Variants in TTC28 observed in about 807,000 individuals in gnomAD.
The protein encoded by TTC28 is tetratricopeptide repeat domain 28.
A neutral mutation model predicts 198.0 loss-of-function variants in TTC28; 61 were observed. The ratio of observed to expected loss-of-function variants is 0.31; its 90% CI spans 0.25 to 0.38. TTC28 has a LOEUF of 0.38. TTC28 is among the 10% of genes least tolerant of loss of function. TTC28 has a pLI of 1.00. For synonymous variants in TTC28, 1,171 were observed against 1,297.8 expected (o/e 0.90, Z 2.10); for missense variants, 2,678 against 3,164.0 (o/e 0.85, Z 3.69).
intron 4 of TTC28, 125 bp from the exon 5 acceptor site, chr22:28,296,453 AT>A: frequency 1.1e-6 from 1 of 888,156 alleles, no homozygotes; most frequent in Non-Finnish European, 1.6e-6. Flanking sequence ...CTTATCTTCT[AT>A]TAGAAAAGTA....
intron 2 of TTC28, among the ~76,000 whole-genome samples, chr22:28,363,536 T>C (rs1238874387): frequency 3.3e-5 from 5 of 152,108 alleles, no homozygotes; most frequent in African/African-American, 1.2e-4. Context: ...CACCGCCTAG[T>C]GGAGCTGTGA....
At chr22:27,999,512 T>C (rs1262309808) in intron 15 of TTC28, 14 of 543,592 alleles carry the variant, frequency 2.6e-5, no homozygotes, top group South Asian at 2.3e-4. Flanking sequence ...CCTGAGAGGA[T>C]TGGGGGAGGA....
At chr22:28,001,308 C>G in intron 15 of TTC28, 66 bp downstream of exon 15, 1 of 1,504,188 alleles carries the variant, frequency 6.6e-7, no homozygotes, top group Non-Finnish European at 9.0e-7. Flanking sequence ...CCAGTCCGAC[C>G]AGATAGACGG....
At chr22:28,106,415 T>C (rs1569142043) in intron 7 of TTC28, among the ~76,000 whole-genome samples, 1 of 152,172 alleles carries the variant, frequency 6.6e-6, no homozygotes, top group Non-Finnish European at 1.5e-5. Context: ...ACCAAACCAG[T>C]TGTGTGGGGC....
At chr22:28,673,388 C>A (rs11912717) in intron 1 of TTC28, among the ~76,000 whole-genome samples, 1 of 151,886 alleles carries the variant, frequency 6.6e-6, no homozygotes, top group African/African-American at 2.4e-5. Context: ...AAGTTAACTG[C>A]GAATGTTAAA....
chr22:28,450,998 A>C (rs2047770505), intron 2 of TTC28, among the ~76,000 whole-genome samples: 1 of 152,230 alleles, frequency 6.6e-6, no homozygotes, highest in African/African-American at 2.4e-5. Flanking sequence ...AACAGAGATC[A>C]GTGTTTAAGG....
In TTC28 at chr22:27,993,255, C is replaced by G. The variant is rs116821072; in HGVS notation, c.5476+32G>C. ...ACTGTTCCACCTGCTGTCAGCCAGG[C>G]CTGTTGCCCCAGCCCTACACCCACA... On this transcript the variant is annotated intron_variant, in intron 18 of 22. Coordinates refer to ENST00000397906, the MANE Select transcript of TTC28 (RefSeq NM_001145418.2). The G allele has an allele frequency of 3.0e-3, 4,433 of 1,466,604 alleles. 163 individuals carry two copies. In the African/African-American group the frequency reaches 0.058, roughly 19 times the overall value. The allele number at this position is 1,466,604 out of a possible 1,614,324, so 90.8% of individuals were successfully genotyped here. A position where few individuals can be genotyped will look rare whatever the true frequency, so the allele number is the denominator to read the frequency against.
intron 2 of TTC28, among the ~76,000 whole-genome samples, chr22:28,526,199 TAAGTATCTAGTCTTA>T (rs1182081615): frequency 6.6e-6 from 1 of 152,190 alleles, no homozygotes; most frequent in African/African-American, 2.4e-5. Context: ...CTAACAATAA[TAAGTATCTAGTCTTA>T]AAGCTGAAAT....
chr22:28,217,268 C>T (rs1927480917), intron 5 of TTC28, among the ~76,000 whole-genome samples: 1 of 149,822 alleles, frequency 6.7e-6, no homozygotes, highest in Non-Finnish European at 1.5e-5. Context: ...TATGCACATG[C>T]AAAAAATAAA....
chr22:28,386,104 G>C (rs1048045905), intron 2 of TTC28, among the ~76,000 whole-genome samples: 7 of 150,418 alleles, frequency 4.7e-5, no homozygotes, highest in Non-Finnish European at 1.0e-4. Flanking sequence ...GTGAAACCCC[G>C]TCTCTACTAA....
chr22:28,166,199 G>A (rs938219051), intron 5 of TTC28, among the ~76,000 whole-genome samples: 1 of 152,144 alleles, frequency 6.6e-6, no homozygotes, highest in East Asian at 1.9e-4. Flanking sequence ...CCTACAAAGA[G>A]ACTTTGACTC....
chr22:28,045,820 C>T (rs1007716661), intron 12 of TTC28, among the ~76,000 whole-genome samples: 2 of 152,020 alleles, frequency 1.3e-5, no homozygotes, highest in South Asian at 2.1e-4. Context: ...AAAAATTAGC[C>T]GGGTGTGGTG....
intron 11 of TTC28, 27 bp from the exon 12 acceptor site, chr22:28,094,272 T>A: frequency 6.6e-7 from 1 of 1,523,730 alleles, no homozygotes; most frequent in Non-Finnish European, 8.8e-7. Flanking sequence ...ACAGCCAACA[T>A]TATACACAAT....
intron 13 of TTC28, among the ~76,000 whole-genome samples, chr22:28,018,306 C>CGCGCACGCGCGCGG (rs1451764096): frequency 4.1e-5 from 2 of 49,194 alleles, no homozygotes; most frequent in African/African-American, 1.2e-4. Context: ...TGTGCGCGCG[C>CGCGCACGCGCGCGG]GGGGGGGGGG....
intron 2 of TTC28, among the ~76,000 whole-genome samples, chr22:28,533,194 G>C (rs767357497): frequency 9.2e-5 from 14 of 152,150 alleles, no homozygotes; most frequent in Non-Finnish European, 1.5e-4. Context: ...AAGCCGATAA[G>C]CAGCTTCAGC....
chr22:28,307,260 T>C (rs1335309616), intron 2 of TTC28, among the ~76,000 whole-genome samples: 1 of 152,216 alleles, frequency 6.6e-6, no homozygotes, highest in Non-Finnish European at 1.5e-5. Context: ...AGTGAATTAT[T>C]TTAAAAACTA....
chr22:28,585,440 C>T (rs1023661978), intron 2 of TTC28, among the ~76,000 whole-genome samples: 2 of 152,090 alleles, frequency 1.3e-5, no homozygotes, highest in Non-Finnish European at 2.9e-5. Flanking sequence ...GGCTCCTATG[C>T]GAATCTAATG....
At chr22:28,145,954 C>T (rs1390866281) in intron 6 of TTC28, among the ~76,000 whole-genome samples, 1 of 152,164 alleles carries the variant, frequency 6.6e-6, no homozygotes, top group South Asian at 2.1e-4. Flanking sequence ...AGGCAGAAAT[C>T]AGCTAAGCAT....
At chr22:28,208,659 T>G (rs1926634006) in intron 5 of TTC28, among the ~76,000 whole-genome samples, 1 of 152,222 alleles carries the variant, frequency 6.6e-6, no homozygotes, top group Non-Finnish European at 1.5e-5. Context: ...TAAATTACTA[T>G]GCTATGAATT....
Sources: allele counts gnomAD v4.1 joint callset (sites outside exome capture counted in the v4.1 genomes callset), GRCh38; gene constraint gnomAD v4.1.1; transcripts MANE v1.5; gene names NCBI Gene and HGNC (gene_info 2026-07-23, HGNC 2026-07-21).